The following CPE variants were observed in gnomAD, a reference collection of about 807,000 sequenced individuals.
CPE encodes carbocypeptidase E.
In CPE, 17 loss-of-function variants were observed where a neutral mutation model predicts 53.5. That is an observed-to-expected ratio of 0.32 (90% CI 0.22 to 0.48). The LOEUF is 0.48. Ranked by LOEUF, CPE falls within the 20% of genes least tolerant of loss-of-function variation. The pLI is 0.99. For missense variants in CPE, 524 were observed against 614.7 expected (o/e 0.85, Z 1.56); for synonymous variants, 226 against 228.8 (o/e 0.99, Z 0.11).
intron 5 of CPE, among the ~76,000 whole-genome samples, chr4:165,487,092 G>A (rs1041173498): frequency 6.6e-6 from 1 of 152,124 alleles, no homozygotes. Context: ...GACTTAGAGG[G>A]ATGTGCATTT....
At chr4:165,432,029 T>C (rs143259580) in intron 1 of CPE, among the ~76,000 whole-genome samples, 96 of 149,710 alleles carry the variant, frequency 6.4e-4, no homozygotes, top group African/African-American at 2.3e-3. Flanking sequence ...AAACAATCCA[T>C]GTAAGACAAG....
At position 165,478,551 on chromosome 4, in the gene CPE, G is replaced by T. The variant is rs185064653; in HGVS notation, c.673-3691G>T. Among the ~76,000 whole-genome samples, 571 of 152,126 alleles carry T rather than the reference G, an allele frequency of 3.8e-3. 1 individual carries two copies. Among genetic ancestry groups the T allele is most frequent in the Middle Eastern group, 6.8e-3 (2 of 294 alleles). On this transcript the variant is annotated intron_variant, in intron 3 of 8. Transcript: ENST00000402744. ...CAGTTTCTTTTAAAAGTTTTTTATTGCAAAATTCATATTTTATTACAAAAA... is the reference window on the plus strand; with the variant it reads ...CAGTTTCTTTTAAAAGTTTTTTATTTCAAAATTCATATTTTATTACAAAAA...
At chr4:165,394,804 A>G (rs1261746083) in intron 1 of CPE, among the ~76,000 whole-genome samples, 2 of 152,150 alleles carry the variant, frequency 1.3e-5, no homozygotes, top group East Asian at 1.9e-4. Context: ...TCATCACACA[A>G]TTTCTCAAAG....
chr4:165,487,648 A>G, intron 6 of CPE, 71 bp downstream of exon 6: 3 of 1,540,366 alleles, frequency 1.9e-6, no homozygotes, highest in Non-Finnish European at 2.7e-6. Context: ...TGGTCTTGTA[A>G]GAGGAGTCCA....
intron 1 of CPE, among the ~76,000 whole-genome samples, chr4:165,437,605 C>T (rs1295073242): frequency 6.6e-6 from 1 of 152,030 alleles, no homozygotes; most frequent in Non-Finnish European, 1.5e-5. Flanking sequence ...CTAATGACCT[C>T]AATTAGATAT....
chr4:165,379,585 G>A lies in CPE; in HGVS notation c.307+57G>A, dbSNP rs1232734860. The A allele has an allele frequency of 4.5e-6, 6 of 1,343,682 alleles. No homozygotes were observed. The allele number at this position is 1,343,682 out of a possible 1,614,324, so 83.2% of individuals were successfully genotyped here. On this transcript the variant is annotated intron_variant, in intron 1 of 8. Coordinates refer to ENST00000402744, the MANE Select transcript of CPE (RefSeq NM_001873.4). The surrounding 1 kb of genome is among the most constrained non-coding windows in gnomAD (Gnocchi z 6.0). ...GCATCCCGGAGGGGGGCGGCAGAGG[G>A]TGGGACTGGTGGCGGTGGGGGAAGG...
At chr4:165,479,974 AGAGT>A (rs1270315513) in intron 3 of CPE, among the ~76,000 whole-genome samples, 6 of 150,070 alleles carry the variant, frequency 4.0e-5, no homozygotes, top group African/African-American at 1.5e-4. Context: ...CCTGGGTGAC[AGAGT>A]GAGACTCCGC....
intron 1 of CPE, among the ~76,000 whole-genome samples, chr4:165,392,572 ATATAT>A (rs917424298): frequency 2.7e-5 from 4 of 146,254 alleles, no homozygotes; most frequent in African/African-American, 9.9e-5. Flanking sequence ...GCTTATACTT[ATATAT>A]TATATTTATA....
intron 1 of CPE, among the ~76,000 whole-genome samples, chr4:165,449,494 G>A (rs777628681): frequency 6.6e-6 from 1 of 152,128 alleles, no homozygotes; most frequent in Non-Finnish European, 1.5e-5. Flanking sequence ...TTGGGGAGAT[G>A]AGCGATATGT....
chr4:165,453,330 T>TC (rs1731846097), intron 1 of CPE, among the ~76,000 whole-genome samples: 1 of 151,522 alleles, frequency 6.6e-6, no homozygotes, highest in African/African-American at 2.4e-5. Flanking sequence ...CTTCCTTCCT[T>TC]CTTTCCTTCC....
intron 1 of CPE, among the ~76,000 whole-genome samples, chr4:165,449,456 T>A (rs1477813503): frequency 1.3e-5 from 2 of 152,192 alleles, no homozygotes; most frequent in East Asian, 3.8e-4. Context: ...TGTTGCTCTG[T>A]TGTCTGTGTC....
chr4:165,417,307 A>G (rs1393651949), intron 1 of CPE, among the ~76,000 whole-genome samples: 1 of 152,234 alleles, frequency 6.6e-6, no homozygotes, highest in African/African-American at 2.4e-5. Context: ...TAAGTTAAAT[A>G]TAATTCCCTT....
chr4:165,451,698 G>A (rs916108704), intron 1 of CPE, among the ~76,000 whole-genome samples: 7 of 151,926 alleles, frequency 4.6e-5, no homozygotes, highest in African/African-American at 1.7e-4. Context: ...CACCATGTTG[G>A]TCAGGCTGGT....
At chr4:165,399,097 T>A (rs960887645) in intron 1 of CPE, among the ~76,000 whole-genome samples, 17 of 152,206 alleles carry the variant, frequency 1.1e-4, no homozygotes, top group Non-Finnish European at 8.8e-5. Flanking sequence ...ATCATATTAA[T>A]CTTGATGTGC....
chr4:165,401,623 T>G (rs1305693995), intron 1 of CPE, among the ~76,000 whole-genome samples: 1 of 152,246 alleles, frequency 6.6e-6, no homozygotes, highest in Non-Finnish European at 1.5e-5. Flanking sequence ...ATAGAAATTA[T>G]TATTATTTCC....
At chr4:165,429,810 C>T (rs1435420207) in intron 1 of CPE, among the ~76,000 whole-genome samples, 2 of 152,040 alleles carry the variant, frequency 1.3e-5, no homozygotes, top group African/African-American at 2.4e-5. Context: ...GCAACCAAGA[C>T]TGATTATAAG....
intron 3 of CPE, among the ~76,000 whole-genome samples, chr4:165,476,167 A>T (rs1579278949): frequency 6.6e-6 from 1 of 152,320 alleles, no homozygotes; most frequent in Middle Eastern, 3.4e-3. Flanking sequence ...AGTGTATTAA[A>T]AAGCTTTAGA....
chr4:165,390,389 G>A (rs1378878682), intron 1 of CPE, among the ~76,000 whole-genome samples: 3 of 152,168 alleles, frequency 2.0e-5, no homozygotes, highest in African/African-American at 7.2e-5. Flanking sequence ...GTCAGACTCA[G>A]TACTTAAAAT....
chr4:165,473,735 G>A (rs575413473), intron 3 of CPE, among the ~76,000 whole-genome samples: 1 of 150,488 alleles, frequency 6.6e-6, no homozygotes, highest in South Asian at 2.1e-4. Context: ...AGGAGGAGGT[G>A]CCATTTGCCC....
Sources: allele counts gnomAD v4.1 joint callset (sites outside exome capture counted in the v4.1 genomes callset), GRCh38; gene constraint gnomAD v4.1.1; non-coding constraint Gnocchi (gnomAD v3.1); transcripts MANE v1.5; gene names NCBI Gene and HGNC (gene_info 2026-07-23, HGNC 2026-07-21).